TTC13: variants seen among roughly 807,000 people sequenced by gnomAD.
The protein encoded by TTC13 is tetratricopeptide repeat domain 13, also known as tetratricopeptide repeat protein 13.
A neutral mutation model predicts 120.0 loss-of-function variants in TTC13; 62 were observed. That is an observed-to-expected ratio of 0.52 (90% CI 0.42 to 0.64). The LOEUF is 0.64. Ranked by LOEUF, TTC13 falls within the 30% of genes least tolerant of loss-of-function variation. The pLI is 0.00. For missense variants in TTC13, 824 were observed against 1,050.2 expected (o/e 0.78, Z 2.98); for synonymous variants, 384 against 393.5 (o/e 0.98, Z 0.28).
chr1:230,967,516 A>G (rs531828838), intron 1 of TTC13, among the ~76,000 whole-genome samples: 10 of 152,288 alleles, frequency 6.6e-5, no homozygotes, highest in African/African-American at 2.4e-4. Flanking sequence ...CTATTAACAA[A>G]CTAATTTAAT....
chr1:230,977,165 A>C (rs1678401006), intron 1 of TTC13, among the ~76,000 whole-genome samples: 1 of 152,178 alleles, frequency 6.6e-6, no homozygotes, highest in Non-Finnish European at 1.5e-5. Flanking sequence ...CCATCTAATG[A>C]GGTGGTTATT....
intron 1 of TTC13, among the ~76,000 whole-genome samples, chr1:230,976,949 C>A (rs1246185459): frequency 6.6e-6 from 1 of 152,152 alleles, no homozygotes; most frequent in Non-Finnish European, 1.5e-5. Context: ...ACCACATGAG[C>A]AAAGGAGAAA....
In TTC13 at chr1:230,940,708, GT is replaced by G. The variant is rs1674459413; in HGVS notation, c.673-153del. 1.8e-6 allele frequency: 1 copy of G among 562,800 alleles called. No homozygotes were observed. Among genetic ancestry groups the G allele is most frequent in the Non-Finnish European group, 3.2e-6 (1 of 314,382 alleles). 34.9% of individuals were successfully genotyped at this position (562,800 alleles called of 1,614,324 possible). A position where few individuals can be genotyped will look rare whatever the true frequency, so the allele number is the denominator to read the frequency against. On this transcript the variant is annotated intron_variant, in intron 6 of 22. Transcript: ENST00000366661. The surrounding 1 kb of genome is among the most constrained non-coding windows in gnomAD (Gnocchi z 4.1). Reference sequence around the variant, plus strand: ...TTGACCCCCTATATTATGCGGTGGGGTTCAAAGTCAACCAGCTGAGGTGCCA... The same window carrying G: ...TTGACCCCCTATATTATGCGGTGGGGTCAAAGTCAACCAGCTGAGGTGCCA...
chr1:230,935,615 G>C (rs1463012045), intron 8 of TTC13, among the ~76,000 whole-genome samples: 1 of 152,148 alleles, frequency 6.6e-6, no homozygotes, highest in East Asian at 1.9e-4. Context: ...TGGGAGACCA[G>C]GCTAACGTGG....
chr1:230,919,262 CAAA>C (rs928916505), intron 17 of TTC13, among the ~76,000 whole-genome samples: 2 of 134,910 alleles, frequency 1.5e-5, no homozygotes, highest in Non-Finnish European at 1.6e-5. Context: ...GACCCTGTCT[CAAA>C]AAAAAAAAAA....
chr1:230,910,161 A>G (rs1270848271), intron 20 of TTC13, among the ~76,000 whole-genome samples: 1 of 152,192 alleles, frequency 6.6e-6, no homozygotes, highest in Admixed American at 6.5e-5. Context: ...AAAGTGAGTC[A>G]AGGTGATTCA....
intron 4 of TTC13, among the ~76,000 whole-genome samples, chr1:230,949,850 C>T (rs951389425): frequency 3.3e-5 from 5 of 152,072 alleles, no homozygotes; most frequent in Non-Finnish European, 5.9e-5. Context: ...GGGGTTTCAC[C>T]ATGTTAGCCA....
chr1:230,975,233 G>C (rs918128664), intron 1 of TTC13, among the ~76,000 whole-genome samples: 1 of 152,006 alleles, frequency 6.6e-6, no homozygotes, highest in Non-Finnish European at 1.5e-5. Flanking sequence ...AAATAGCTGG[G>C]CATGGTGGCA....
intron 10 of TTC13, 97 bp downstream of exon 10, chr1:230,931,639 A>G (rs1167756530): frequency 6.7e-7 from 1 of 1,501,546 alleles, no homozygotes; most frequent in East Asian, 2.3e-5. Context: ...GAGTAGAAAC[A>G]CTATTCTCAG....
intron 18 of TTC13, among the ~76,000 whole-genome samples, chr1:230,915,519 A>C (rs183059728): frequency 6.6e-6 from 1 of 152,300 alleles, no homozygotes; most frequent in African/African-American, 2.4e-5. Context: ...GAAATACCCT[A>C]AGTGGTCAAT....
At chr1:230,929,516 G>A (rs1357004890) in intron 11 of TTC13, among the ~76,000 whole-genome samples, 7 of 151,976 alleles carry the variant, frequency 4.6e-5, no homozygotes, top group African/African-American at 9.7e-5. Context: ...GGGTTTCACC[G>A]TGTTAGCCAG....
intron 7 of TTC13, among the ~76,000 whole-genome samples, chr1:230,939,919 A>G (rs1274227764): frequency 6.6e-6 from 1 of 152,220 alleles, no homozygotes; most frequent in African/African-American, 2.4e-5. Context: ...TTGTTATTTA[A>G]AGTACTATAA....
chr1:230,908,401 G>A (rs1005709405), intron 22 of TTC13: 5 of 476,548 alleles, frequency 1.0e-5, no homozygotes, highest in Admixed American at 9.4e-5. Context: ...TGTTGCCCAG[G>A]CTGGTCTCGA....
intron 3 of TTC13, among the ~76,000 whole-genome samples, chr1:230,957,411 T>C (rs1474363219): frequency 6.6e-6 from 1 of 152,230 alleles, no homozygotes; most frequent in Non-Finnish European, 1.5e-5. Flanking sequence ...CACTCCAGCC[T>C]GGGCCACAGA....
chr1:230,977,729 G>A (rs1178541525), intron 1 of TTC13, among the ~76,000 whole-genome samples: 1 of 152,194 alleles, frequency 6.6e-6, no homozygotes, highest in Non-Finnish European at 1.5e-5. Flanking sequence ...TAGAGAAGGG[G>A]GAAAGAGAAA....
At position 230,940,665 on chromosome 1, in the gene TTC13, C is replaced by A; in HGVS notation, c.673-109G>T. 1.4e-6 allele frequency: 1 copy of A among 724,670 alleles called. No individual in the cohort carries two copies. The highest frequency in any genetic ancestry group is 2.4e-6 in the Non-Finnish European group (1 of 417,292). The allele number at this position is 724,670 out of a possible 1,614,324, so 44.9% of individuals were successfully genotyped here. A position where few individuals can be genotyped will look rare whatever the true frequency, so the allele number is the denominator to read the frequency against. ...CACCATACTCCACTCAAAAATTACT[C>A]TCAGCAGGCTGCAATCCTTGACCCC... On this transcript the variant is annotated intron_variant, in intron 6 of 22. Transcript: ENST00000366661. This position sits in a 1 kb window ranked among gnomAD's most constrained non-coding sequence, Gnocchi z 4.1.
chr1:230,907,007 A>C lies in TTC13; in HGVS notation c.2481T>G (p.Ser827=). 1 of 1,513,178 alleles carries C rather than the reference A, an allele frequency of 6.6e-7. No homozygotes were observed. Among genetic ancestry groups the C allele is most frequent in the Non-Finnish European group, 8.8e-7 (1 of 1,134,834 alleles). 93.7% of individuals were successfully genotyped at this position (1,513,178 alleles called of 1,614,324 possible). A position where few individuals can be genotyped will look rare whatever the true frequency, so the allele number is the denominator to read the frequency against. Residue 827 remains serine, a synonymous_variant, in exon 23 of 23, where the codon TCT becomes TCG. Transcript: ENST00000366661. Reference sequence around the variant, plus strand: ...CTGATACTGATGGAAGAGTCTTATAAGAAGGTGAAATACTGAAAAAGAAAA... The same window carrying C: ...CTGATACTGATGGAAGAGTCTTATACGAAGGTGAAATACTGAAAAAGAAAA... ...SWMNLKSISP[S]YKTLPSVSET... is the part of the protein sequence containing the mutation.
intron 20 of TTC13, among the ~76,000 whole-genome samples, chr1:230,910,552 G>A (rs1396597981): frequency 6.6e-6 from 1 of 152,236 alleles, no homozygotes; most frequent in Non-Finnish European, 1.5e-5. Context: ...GAGATGTAGG[G>A]ATGAGGCAGA....
intron 18 of TTC13, among the ~76,000 whole-genome samples, chr1:230,915,806 T>TAC (rs1558167186): frequency 3.3e-5 from 5 of 152,042 alleles, no homozygotes; most frequent in African/African-American, 9.7e-5. Flanking sequence ...TCTATATATA[T>TAC]ATAGATTGGC....
Sources: gnomAD v4.1 joint callset for allele counts (sites outside exome capture counted in the v4.1 genomes callset) on GRCh38, gnomAD v4.1.1 for gene constraint, Gnocchi (gnomAD v3.1) non-coding constraint, MANE v1.5 for transcripts, NCBI Gene and HGNC (gene_info 2026-07-23, HGNC 2026-07-21) for gene names.